RSBN1L: variants seen among roughly 807,000 people sequenced by gnomAD.
RSBN1L encodes the protein round spermatid basic protein 1 like, also known as lysine-specific demethylase RSBN1L.
RSBN1L carries 30 observed loss-of-function variants against 67.7 expected under a neutral mutation model. That is an observed-to-expected ratio of 0.44 (90% CI 0.33 to 0.60). The LOEUF is 0.60. Among genes scored for constraint, RSBN1L ranks in the 20% least tolerant of loss-of-function variants. The pLI is 0.02. For missense variants in RSBN1L, 992 were observed against 1,031.7 expected (o/e 0.96, Z 0.53); for synonymous variants, 433 against 387.0 (o/e 1.12, Z -1.39).
chr7:77,717,503 G>T (rs1791064071), intron 1 of RSBN1L, among the ~76,000 whole-genome samples: 1 of 152,126 alleles, frequency 6.6e-6, no homozygotes, highest in Non-Finnish European at 1.5e-5. Flanking sequence ...GGTACTTCAA[G>T]CATTGTTTTT....
chr7:77,748,471 T>C (rs1791512240), intron 2 of RSBN1L, among the ~76,000 whole-genome samples: 1 of 152,184 alleles, frequency 6.6e-6, no homozygotes, highest in South Asian at 2.1e-4. Context: ...ACACTAGGCA[T>C]AGATGATTCT....
intron 1 of RSBN1L, among the ~76,000 whole-genome samples, chr7:77,720,763 C>CTTTTTTTTTTTT (rs34070122): frequency 2.7e-3 from 283 of 104,312 alleles, no homozygotes; most frequent in Non-Finnish European, 3.6e-3. Context: ...TTTTCTTTTT[C>CTTTTTTTTTTTT]TTTTTTTTTT....
Position 77,696,737 on chromosome 7 carries a change from C to T in RSBN1L, c.268C>T (p.Pro90Ser), listed in dbSNP as rs771828790. 1.9e-6 allele frequency: 3 copies of T among 1,613,630 alleles called. No individual in the cohort carries two copies. Among genetic ancestry groups the T allele is most frequent in the African/African-American group, 1.3e-5 (1 of 74,946 alleles). ...YGSPASWSFAPLSAAPSPSSS... is the reference protein window; with the variant it reads ...YGSPASWSFASLSAAPSPSSS... ...CAGCCCCGCGTCTTGGAGCTTTGCC[C>T]CTCTGTCTGCTGCTCCCTCCCCGTC... The change falls in exon 1 of 8, where the codon CCT (proline) becomes TCT (serine). Residue 90 changes from proline to serine, a missense_variant. This residue lies in a region of RSBN1L where 575 missense variants were observed against 483.2 expected (regional missense o/e 1.19). Coordinates refer to ENST00000334955, the MANE Select transcript of RSBN1L (RefSeq NM_198467.3).
At chr7:77,721,744 T>G (rs1235494754) in intron 1 of RSBN1L, among the ~76,000 whole-genome samples, 1 of 152,236 alleles carries the variant, frequency 6.6e-6, no homozygotes, top group Admixed American at 6.5e-5. Context: ...AAGGTGAGTC[T>G]TAACTGAAGA....
chr7:77,779,024 G>C lies in RSBN1L; in HGVS notation c.2397G>C (p.Lys799Asn). ...KLDHVQFAEF[K>N]IDMDSKFENS... ...ATCATGTTCAATTTGCAGAATTTAAGATTGACATGGATTCTAAATTTGAAA... is the reference window on the plus strand; with the variant it reads ...ATCATGTTCAATTTGCAGAATTTAACATTGACATGGATTCTAAATTTGAAA... The change falls in exon 8 of 8, where the codon AAG (lysine) becomes AAC (asparagine). Residue 799 changes from lysine (K) to asparagine (N), a missense_variant. This residue lies in a region of RSBN1L where 199 missense variants were observed against 167.7 expected (regional missense o/e 1.19). Coordinates refer to ENST00000334955, the MANE Select transcript of RSBN1L (RefSeq NM_198467.3). The C allele has an allele frequency of 6.2e-7, 1 of 1,613,986 alleles. No individual in the cohort carries two copies. The highest frequency in any genetic ancestry group is 8.5e-7 in the Non-Finnish European group (1 of 1,179,964).
chr7:77,767,257 A>C (rs1584302801), intron 4 of RSBN1L, among the ~76,000 whole-genome samples: 1 of 148,822 alleles, frequency 6.7e-6, no homozygotes, highest in East Asian at 2.0e-4. Flanking sequence ...AAGAAATTTG[A>C]CAAGCCTTTT....
intron 1 of RSBN1L, among the ~76,000 whole-genome samples, chr7:77,697,886 C>A (rs1197173059): frequency 6.6e-6 from 1 of 152,172 alleles, no homozygotes; most frequent in East Asian, 1.9e-4. Context: ...TCAGGTGTTT[C>A]CACCACTTCA....
intron 1 of RSBN1L, among the ~76,000 whole-genome samples, chr7:77,705,198 A>C (rs1382612892): frequency 6.6e-6 from 1 of 152,142 alleles, no homozygotes; most frequent in African/African-American, 2.4e-5. Flanking sequence ...ATGTACCTTG[A>C]CTTTTTAATA....
At chr7:77,697,624 C>T (rs1012905579) in intron 1 of RSBN1L, among the ~76,000 whole-genome samples, 1 of 152,120 alleles carries the variant, frequency 6.6e-6, no homozygotes, top group Non-Finnish European at 1.5e-5. Context: ...AGGTACCCTC[C>T]CTGCACCCTA....
chr7:77,771,535 A>T, intron 5 of RSBN1L, among the ~76,000 whole-genome samples: 1 of 137,814 alleles, frequency 7.3e-6, no homozygotes. Context: ...TTTGAGATAG[A>T]GTCTAGCTCT....
At position 77,749,822 on chromosome 7, in the gene RSBN1L, G is replaced by A. The variant is rs762959199; in HGVS notation, c.1102G>A (p.Glu368Lys). Residue 368 changes from glutamate to lysine, a missense_variant, in exon 3 of 8, where the codon GAA (glutamate) becomes AAA (lysine). Physicochemically the swap from Glu to Lys is moderately conservative, Grantham distance 56. This residue lies in a region of RSBN1L where 575 missense variants were observed against 483.2 expected (regional missense o/e 1.19). Coordinates refer to ENST00000334955, the MANE Select transcript of RSBN1L (RefSeq NM_198467.3). ...GASVIHAYSN[E>K]LSHLSPMEME... ...ATCGGTTATCCATGCCTACAGTAACGAACTCTCCCACCTGTCTCCTATGGA... is the reference window on the plus strand; with the variant it reads ...ATCGGTTATCCATGCCTACAGTAACAAACTCTCCCACCTGTCTCCTATGGA... 14 of 1,614,034 alleles carry A rather than the reference G, an allele frequency of 8.7e-6. No homozygotes were observed. The highest frequency in any genetic ancestry group is 1.3e-5 in the African/African-American group (1 of 74,926).
chr7:77,751,238 C>T (rs1791552675), intron 3 of RSBN1L, among the ~76,000 whole-genome samples: 1 of 152,118 alleles, frequency 6.6e-6, no homozygotes, highest in Non-Finnish European at 1.5e-5. Context: ...CTTCCGGGTT[C>T]AAGCGATTCT....
At chr7:77,738,428 T>G (rs1791364850) in intron 2 of RSBN1L, among the ~76,000 whole-genome samples, 1 of 152,184 alleles carries the variant, frequency 6.6e-6, no homozygotes, top group African/African-American at 2.4e-5. Flanking sequence ...GGAAATTAAT[T>G]TGTGACTTCT....
Position 77,712,530 on chromosome 7 carries a change from C to T in RSBN1L, c.586+15475C>T, listed in dbSNP as rs952856651. Among the ~76,000 whole-genome samples the T allele has an allele frequency of 2.0e-5, 3 of 152,264 alleles. No homozygotes were observed. The East Asian group carries it at 5.8e-4, about 29-fold the overall frequency. On this transcript the variant is annotated intron_variant, in intron 1 of 7. Transcript: ENST00000334955. ...CTGACCTCAGGTGATCCACCCTCCT[C>T]AGCCTCCCAAAGTCCTGAGATTACA...
At chr7:77,751,992 G>A (rs1361278071) in intron 3 of RSBN1L, among the ~76,000 whole-genome samples, 1 of 151,908 alleles carries the variant, frequency 6.6e-6, no homozygotes, top group Non-Finnish European at 1.5e-5. Context: ...CTTTTCAGAT[G>A]GTTTTTCAAA....
Position 77,779,264 on chromosome 7 carries a change from T to G in RSBN1L, c.*96T>G, listed in dbSNP as rs1767842386. On this transcript the variant is annotated 3_prime_UTR_variant, in exon 8 of 8. Coordinates refer to ENST00000334955, the MANE Select transcript of RSBN1L (RefSeq NM_198467.3). ...CAAGCCAAGGACTTGCTCCTATGTC[T>G]GTTACAAAACATAGTTTATGTAGCT... is the stretch of plus-strand genomic sequence containing the variant. 1.2e-6 allele frequency: 1 copy of G among 842,262 alleles called. No homozygotes were observed. The highest frequency in any genetic ancestry group is 2.7e-5 in the East Asian group (1 of 37,494). The allele number at this position is 842,262 out of a possible 1,614,324, so 52.2% of individuals were successfully genotyped here.
intron 1 of RSBN1L, among the ~76,000 whole-genome samples, chr7:77,734,582 G>A (rs916921599): frequency 2.6e-5 from 4 of 151,696 alleles, no homozygotes; most frequent in Admixed American, 2.0e-4. Context: ...TCCACCTCCC[G>A]GGTTCAAGCG....
At chr7:77,737,416 G>T (rs775656070) in intron 2 of RSBN1L, among the ~76,000 whole-genome samples, 20 of 152,092 alleles carry the variant, frequency 1.3e-4, no homozygotes, top group Non-Finnish European at 1.9e-4. Flanking sequence ...AAAATAACTG[G>T]TAGTTTATAT....
In RSBN1L at chr7:77,780,310, A is replaced by G. The variant is rs1175355065; in HGVS notation, c.*1142A>G. 6.6e-6 allele frequency: 1 copy of G among 152,182 alleles called. No homozygotes were observed. Among genetic ancestry groups the G allele is most frequent in the African/African-American group, 2.4e-5 (1 of 41,438 alleles). 9.4% of individuals were successfully genotyped at this position (152,182 alleles called of 1,614,324 possible). A position where few individuals can be genotyped will look rare whatever the true frequency, so the allele number is the denominator to read the frequency against. ...CAAAATACATTGAAAAAAGTTTTAT[A>G]TTAAACTATTAAGAAAGCAGTTTAG... On this transcript the variant is annotated 3_prime_UTR_variant, in exon 8 of 8. Coordinates refer to ENST00000334955, the MANE Select transcript of RSBN1L (RefSeq NM_198467.3).
Sources: allele counts gnomAD v4.1 joint callset (sites outside exome capture counted in the v4.1 genomes callset), GRCh38; gene constraint gnomAD v4.1.1; regional missense constraint gnomAD v4.1.1; transcripts MANE v1.5; gene names NCBI Gene and HGNC (gene_info 2026-07-23, HGNC 2026-07-21).